The following GALM variants were observed in gnomAD, a reference collection of about 807,000 sequenced individuals.
GALM encodes galactose mutarotase.
A neutral mutation model predicts 37.4 loss-of-function variants in GALM; 43 were observed. The observed-to-expected ratio is 1.15, with a 90% CI of 0.90 to 1.48. The LOEUF is 1.48. GALM is among the 40% of genes most tolerant of loss of function. The probability of loss-of-function intolerance (pLI) is 0.00; values close to 1 mark genes in which losing one functional copy is unlikely to be tolerated. For synonymous variants in GALM, 199 were observed against 170.6 expected (o/e 1.17, Z -1.30); for missense variants, 456 against 419.1 (o/e 1.09, Z -0.77).
chr2:38,689,513 C>T (rs1665621378), intron 3 of GALM, among the ~76,000 whole-genome samples: 2 of 152,264 alleles, frequency 1.3e-5, no homozygotes, highest in African/African-American at 2.4e-5. Context: ...GAAACACCTC[C>T]ACTAATAAGC....
intron 3 of GALM, among the ~76,000 whole-genome samples, chr2:38,685,864 C>T (rs900725597): frequency 1.3e-5 from 2 of 151,858 alleles, no homozygotes; most frequent in Non-Finnish European, 2.9e-5. Flanking sequence ...ATTACAGGCA[C>T]GTGCCCCTGG....
At position 38,681,170 on chromosome 2, in the gene GALM, T is replaced by C. The variant is rs374759191; in HGVS notation, c.346-110T>C. ...CCAGGCTATCATTAAAAAGTCTTAA[T>C]TGATTGTATAACCATTTTCCTTGTG... is the stretch of plus-strand genomic sequence containing the variant. On this transcript the variant is annotated intron_variant, in intron 2 of 6. Transcript: ENST00000272252. The C allele has an allele frequency of 1.5e-5, 13 of 894,794 alleles. No homozygotes were observed. In the African/African-American group the frequency reaches 2.0e-4, roughly 14 times the overall value. 55.4% of individuals were successfully genotyped at this position (894,794 alleles called of 1,614,324 possible).
chr2:38,686,233 T>C (rs75176436), intron 3 of GALM, among the ~76,000 whole-genome samples: 911 of 36,510 alleles, frequency 0.025, 28 homozygotes, highest in East Asian at 0.15. Flanking sequence ...TCTTTCTTTC[T>C]TTCTTTCTTT....
intron 4 of GALM, chr2:38,698,449 G>C: frequency 2.3e-6 from 3 of 1,280,150 alleles, no homozygotes; most frequent in Non-Finnish European, 3.1e-6. Flanking sequence ...ACACTGTCAG[G>C]CTGTGTTTGG....
intron 4 of GALM, among the ~76,000 whole-genome samples, chr2:38,723,447 A>C (rs1418533609): frequency 3.3e-5 from 5 of 152,176 alleles, no homozygotes; most frequent in Non-Finnish European, 7.4e-5. Flanking sequence ...AAGTTTCTTT[A>C]GTGCCAATGA....
chr2:38,716,626 A>G (rs112403847), intron 4 of GALM, among the ~76,000 whole-genome samples: 1 of 152,200 alleles, frequency 6.6e-6, no homozygotes, highest in African/African-American at 2.4e-5. Flanking sequence ...TCATGACTCA[A>G]AAAAATCATT....
At chr2:38,666,704 C>G (rs915976279) in intron 1 of GALM, among the ~76,000 whole-genome samples, 1 of 152,178 alleles carries the variant, frequency 6.6e-6, no homozygotes, top group African/African-American at 2.4e-5. Flanking sequence ...GAGGAAAGAG[C>G]AGGCAAGAGG....
intron 4 of GALM, among the ~76,000 whole-genome samples, chr2:38,706,826 C>T (rs74258942): frequency 0.087 from 10,289 of 118,870 alleles, 626 homozygotes; most frequent in East Asian, 0.37. Flanking sequence ...TCTAGGAGTT[C>T]AAATCCAGTC....
At chr2:38,731,465 G>A (rs1666609324) in intron 5 of GALM, among the ~76,000 whole-genome samples, 1 of 150,492 alleles carries the variant, frequency 6.6e-6, no homozygotes, top group African/African-American at 2.5e-5. Context: ...CCTGGCTGCT[G>A]CCTTCCTCCC....
chr2:38,724,630 T>C (rs1385743416), intron 4 of GALM, among the ~76,000 whole-genome samples: 4 of 152,220 alleles, frequency 2.6e-5, no homozygotes, highest in African/African-American at 9.6e-5. Context: ...ACTGTTTTTT[T>C]CTTCTCATTT....
At chr2:38,715,937 GAGAAGCTAAGCAGCC>G (rs1666262361) in intron 4 of GALM, among the ~76,000 whole-genome samples, 1 of 152,212 alleles carries the variant, frequency 6.6e-6, no homozygotes, top group Admixed American at 6.5e-5. Flanking sequence ...CCAAGCTTCA[GAGAAGCTAAGCAGCC>G]TCCACAAATT....
intron 3 of GALM, among the ~76,000 whole-genome samples, chr2:38,686,707 C>T (rs1448510789): frequency 1.3e-5 from 2 of 152,170 alleles, no homozygotes; most frequent in African/African-American, 4.8e-5. Flanking sequence ...AGGAATATAA[C>T]ATGGATGATC....
At chr2:38,691,174 A>G (rs1665664275) in intron 4 of GALM, among the ~76,000 whole-genome samples, 1 of 152,250 alleles carries the variant, frequency 6.6e-6, no homozygotes, top group Non-Finnish European at 1.5e-5. Context: ...CAATTAGCTT[A>G]TAAGTGGAGG....
intron 2 of GALM, among the ~76,000 whole-genome samples, chr2:38,679,605 C>G (rs1321995836): frequency 1.3e-5 from 2 of 152,182 alleles, no homozygotes; most frequent in East Asian, 3.9e-4. Context: ...TTGGAGGTCT[C>G]ATGCCTGCAA....
chr2:38,725,549 T>TACACAC (rs112827171), intron 4 of GALM, among the ~76,000 whole-genome samples: 76 of 148,700 alleles, frequency 5.1e-4, no homozygotes, highest in African/African-American at 1.7e-3. Context: ...AACACACACA[T>TACACAC]ACACACACAC....
chr2:38,685,038 T>C (rs573018498), intron 3 of GALM, among the ~76,000 whole-genome samples: 1 of 152,254 alleles, frequency 6.6e-6, no homozygotes, highest in African/African-American at 2.4e-5. Context: ...CACCTCCTCA[T>C]ATAGTCACAT....
At chr2:38,730,524 C>A (rs990015366) in intron 5 of GALM, among the ~76,000 whole-genome samples, 3 of 152,144 alleles carry the variant, frequency 2.0e-5, no homozygotes, top group Non-Finnish European at 2.9e-5. Context: ...CTCGGCCTCC[C>A]AAAGTGCTGG....
intron 4 of GALM, among the ~76,000 whole-genome samples, chr2:38,705,616 G>T (rs1471562863): frequency 6.6e-6 from 1 of 152,184 alleles, no homozygotes; most frequent in Admixed American, 6.5e-5. Context: ...TGCAGGAGTG[G>T]TGATGACTGT....
intron 4 of GALM, 148 bp downstream of exon 4, chr2:38,690,042 G>A (rs1665635424): frequency 1.7e-6 from 1 of 583,520 alleles, no homozygotes; most frequent in Non-Finnish European, 3.1e-6. Flanking sequence ...TCTTAGTTTT[G>A]ATATGTGTAC....
Sources: gnomAD v4.1 joint callset for allele counts (sites outside exome capture counted in the v4.1 genomes callset) on GRCh38, gnomAD v4.1.1 for gene constraint, MANE v1.5 for transcripts, NCBI Gene and HGNC (gene_info 2026-07-23, HGNC 2026-07-21) for gene names.